The following ZNF582 variants were observed in gnomAD, a reference collection of about 807,000 sequenced individuals.
ZNF582 encodes zinc finger protein 582.
Under a neutral mutation model 12.3 loss-of-function variants are expected in ZNF582, and 14 were observed. The ratio of observed to expected loss-of-function variants is 1.14; its 90% confidence interval spans 0.75 to 1.78. ZNF582 has a LOEUF of 1.78. Among genes scored for constraint, ZNF582 ranks in the 40% most tolerant of loss-of-function variants. The pLI, the probability that ZNF582 is intolerant of heterozygous loss-of-function variation, is 0.00. For missense variants in ZNF582, 567 were observed against 616.5 expected (o/e 0.92, Z 0.85); for synonymous variants, 210 against 207.2 (o/e 1.01, Z -0.11).
chr19:56,388,834 T>C (rs1600329813), intron 4 of ZNF582, among the ~76,000 whole-genome samples: 1 of 152,138 alleles, frequency 6.6e-6, no homozygotes, highest in Non-Finnish European at 1.5e-5. Flanking sequence ...GGTTTCACCA[T>C]GTTGGCCAGA....
exon 5 of ZNF582, chr19:56,384,586 G>A: frequency 1.2e-6 from 2 of 1,614,004 alleles, no homozygotes; most frequent in South Asian, 2.2e-5. Flanking sequence ...TCTCGCCTGT[G>A]TGAGTTCGCT....
intron 4 of ZNF582, among the ~76,000 whole-genome samples, chr19:56,388,801 T>C (rs775716389): frequency 2.0e-5 from 3 of 152,052 alleles, no homozygotes; most frequent in Non-Finnish European, 4.4e-5. Flanking sequence ...CCCGGCTAAT[T>C]TTTGTGATTT....
exon 5 of ZNF582, chr19:56,384,466 C>T (rs754052129): frequency 1.2e-6 from 2 of 1,601,868 alleles, no homozygotes; most frequent in South Asian, 2.2e-5. Flanking sequence ...TAAAGGTTTT[C>T]CCACATTCCT....
At chr19:56,385,171 T>C in exon 5 of ZNF582, 11 of 1,596,290 alleles carry the variant, frequency 6.9e-6, no homozygotes, top group South Asian at 1.1e-5. Flanking sequence ...TGGTATCATA[T>C]CTGGACTCCA....
At chr19:56,389,511 G>A (rs2041997954) in intron 4 of ZNF582, among the ~76,000 whole-genome samples, 1 of 152,032 alleles carries the variant, frequency 6.6e-6, no homozygotes, top group Non-Finnish European at 1.5e-5. Flanking sequence ...AACACACATG[G>A]GCCTTTCAGA....
chr19:56,392,485 C>A (rs1381005468), intron 1 of ZNF582, among the ~76,000 whole-genome samples: 2 of 152,216 alleles, frequency 1.3e-5, no homozygotes, highest in Admixed American at 6.5e-5. Flanking sequence ...CACAAAGCTG[C>A]ATGTCCAATA....
rs766217194 is a variant in ZNF582, at chr19:56,384,904, A to G, written c.513T>C (p.Phe171=). 5.0e-6 allele frequency: 8 copies of G among 1,613,972 alleles called. No homozygotes were observed. The East Asian group carries it at 1.8e-4, about 36-fold the overall frequency. The change falls in exon 5 of 5, where the codon TTT becomes TTC. Residue 171 remains phenylalanine, a synonymous_variant. Coordinates refer to ENST00000586929, the Ensembl canonical transcript of ZNF582. ...AGTCTTTTCTACATTTATTATACCC[A>G]AAAGGTTTTTCTCTAGTATGAATTT...
At chr19:56,384,120 T>A in exon 5 of ZNF582, 3 of 1,612,880 alleles carry the variant, frequency 1.9e-6, no homozygotes, top group Non-Finnish European at 2.5e-6. Flanking sequence ...GAGCAATGAC[T>A]AAAAGCCTTC....
intron 4 of ZNF582, 119 bp downstream of exon 4, chr19:56,389,882 C>A (rs571186873): frequency 7.0e-6 from 5 of 718,948 alleles, no homozygotes; most frequent in Non-Finnish European, 4.7e-6. Flanking sequence ...GAAAACAACA[C>A]GTAAGACATA....
chr19:56,386,934 A>T (rs2041971102), intron 4 of ZNF582, among the ~76,000 whole-genome samples: 1 of 152,394 alleles, frequency 6.6e-6, no homozygotes. Context: ...TAACAAGGAT[A>T]TCATTTTTAA....
exon 5 of ZNF582, chr19:56,384,871 T>C (rs2041951183): frequency 1.2e-6 from 2 of 1,610,938 alleles, no homozygotes; most frequent in Non-Finnish European, 1.7e-6. Context: ...GGAGTTCCTT[T>C]TGCCAGAAGT....
At chr19:56,393,478 CG>C (rs753601102) in exon 1 of ZNF582, 5 of 514,374 alleles carry the variant, frequency 9.7e-6, no homozygotes, top group Admixed American at 7.8e-5. Context: ...ACCGCGGCCG[CG>C]CCCCCGGCAG....
chr19:56,390,279 G>A lies in ZNF582; in HGVS notation c.136+96C>T, dbSNP rs2042004173. The A allele has an allele frequency of 6.3e-6, 10 of 1,576,922 alleles. No individual in the cohort carries two copies. The South Asian group carries it at 1.1e-4, about 18-fold the overall frequency. On this transcript the variant is annotated intron_variant, in intron 3 of 4. Coordinates refer to ENST00000586929, the Ensembl canonical transcript of ZNF582. Reference sequence around the variant, plus strand: ...CGCCGCCCTTTAACCCCTCAAAAATGACCAACCAATCATAAGACTGAAAAG... The same window carrying A: ...CGCCGCCCTTTAACCCCTCAAAAATAACCAACCAATCATAAGACTGAAAAG...
intron 4 of ZNF582, among the ~76,000 whole-genome samples, chr19:56,385,922 C>T (rs2041962724): frequency 6.6e-6 from 1 of 152,080 alleles, no homozygotes; most frequent in African/African-American, 2.4e-5. Flanking sequence ...ATTAATAGCA[C>T]ATTTTAAAAA....
chr19:56,385,324 C>T lies in ZNF582; in HGVS notation c.233-140G>A, dbSNP rs187405484. 4.2e-4 allele frequency: 359 copies of T among 850,430 alleles called. No homozygotes were observed. In the African/African-American group the frequency reaches 5.8e-3, roughly 14 times the overall value. 52.7% of individuals were successfully genotyped at this position (850,430 alleles called of 1,614,324 possible). A position where few individuals can be genotyped will look rare whatever the true frequency, so the allele number is the denominator to read the frequency against. Reference sequence around the variant, plus strand: ...GCAATTATAAAATGGACAAGTAGAACAGTGAAAGGAAAATAACATACATGA... The same window carrying T: ...GCAATTATAAAATGGACAAGTAGAATAGTGAAAGGAAAATAACATACATGA... On this transcript the variant is annotated intron_variant, in intron 4 of 4. Transcript: ENST00000586929.
chr19:56,384,696 T>A (rs771489194), exon 5 of ZNF582: 1 of 1,612,752 alleles, frequency 6.2e-7, no homozygotes, highest in Non-Finnish European at 8.5e-7. Context: ...TGTATAAAAT[T>A]TGAACCAGAA....
exon 1 of ZNF582, chr19:56,393,501 C>A (rs757772534): frequency 1.4e-5 from 7 of 506,374 alleles, no homozygotes; most frequent in African/African-American, 1.4e-4. Context: ...CCAGGGCGCG[C>A]TTCCACCACG....
exon 1 of ZNF582, chr19:56,393,297 C>T (rs940016222): frequency 2.4e-6 from 3 of 1,232,070 alleles, no homozygotes; most frequent in Admixed American, 3.3e-5. Flanking sequence ...CGAGGGCCGG[C>T]GGGAAATGTA....
chr19:56,391,528 C>T (rs2042013717), intron 2 of ZNF582, among the ~76,000 whole-genome samples: 1 of 152,154 alleles, frequency 6.6e-6, no homozygotes, highest in Non-Finnish European at 1.5e-5. Flanking sequence ...TGAGTTTCTC[C>T]TCCTAGCAGA....
Sources: gnomAD v4.1 joint callset for allele counts (sites outside exome capture counted in the v4.1 genomes callset) on GRCh38, gnomAD v4.1.1 for gene constraint, MANE v1.5 for transcripts, NCBI Gene and HGNC (gene_info 2026-07-23, HGNC 2026-07-21) for gene names.